SV2C: variants seen among roughly 807,000 people sequenced by gnomAD.
SV2C encodes the protein synaptic vesicle glycoprotein 2C, also known as solute carrier family 22 member B3.
A neutral mutation model predicts 79.7 loss-of-function variants in SV2C; 49 were observed. That is an observed-to-expected ratio of 0.61 (90% CI 0.49 to 0.78). SV2C has a LOEUF of 0.78. SV2C is among the 30% of genes least tolerant of loss of function. The pLI, the probability that SV2C is intolerant of heterozygous loss-of-function variation, is 0.00. For synonymous variants in SV2C, 334 were observed against 333.2 expected, an observed-to-expected ratio of 1.00 and a Z score of -0.03; for missense variants, 833 against 912.9, an observed-to-expected ratio of 0.91 and a Z score of 1.13.
intron 4 of SV2C, among the ~76,000 whole-genome samples, chr5:76,230,156 G>T (rs540193878): frequency 2.0e-5 from 3 of 152,326 alleles, no homozygotes; most frequent in African/African-American, 7.2e-5. Flanking sequence ...GAAGACAAAT[G>T]TGAGGACTAT....
At chr5:75,970,918 A>T in the SV2C span, among the ~76,000 whole-genome samples, 1 of 152,112 alleles carries the variant, frequency 6.6e-6, no homozygotes, top group Non-Finnish European at 1.5e-5. Context: ...TGATGCAAAA[A>T]TCCTCAATAA....
At chr5:76,164,356 C>A (rs1432210269) in intron 2 of SV2C, among the ~76,000 whole-genome samples, 1 of 152,200 alleles carries the variant, frequency 6.6e-6, no homozygotes, top group Non-Finnish European at 1.5e-5. Flanking sequence ...CATGCAACAG[C>A]CACATACGTT....
chr5:75,898,902 A>T, the SV2C span, among the ~76,000 whole-genome samples: 3 of 152,064 alleles, frequency 2.0e-5, no homozygotes, highest in African/African-American at 7.2e-5. Context: ...TTTCTGTGGG[A>T]TTGGTGGAGA....
intron 9 of SV2C, 47 bp from the exon 10 acceptor site, chr5:76,298,747 A>T: frequency 6.3e-7 from 1 of 1,598,302 alleles, no homozygotes; most frequent in Non-Finnish European, 8.5e-7. Context: ...TTGAACTTTG[A>T]TGGACACAGT....
rs556344579 is a variant in SV2C at position 76,189,971 on chromosome 5, T to G, written c.581-4948T>G. ...ATTGGTGTTAAATTAAATGCATAAT[T>G]AATAACAAACAGAACTGGCATAAAA... is the stretch of plus-strand genomic sequence containing the variant. On this transcript the variant is annotated intron_variant, in intron 2 of 12. Transcript: ENST00000502798. 2.6e-5 allele frequency among the ~76,000 whole-genome samples: 4 copies of G among 152,272 alleles called. No homozygotes were observed. In the South Asian group the frequency reaches 8.3e-4, roughly 32 times the overall value.
chr5:75,891,199 T>C, the SV2C span, among the ~76,000 whole-genome samples: 1 of 152,102 alleles, frequency 6.6e-6, no homozygotes, highest in South Asian at 2.1e-4. Flanking sequence ...TTGAGACTTT[T>C]GCTTTGATCA....
chr5:76,127,506 A>G (rs1040199082), intron 1 of SV2C, among the ~76,000 whole-genome samples: 2 of 152,228 alleles, frequency 1.3e-5, no homozygotes, highest in Non-Finnish European at 2.9e-5. Context: ...TGCAGTTTCA[A>G]TCGGCTATGT....
At chr5:76,135,372 C>T (rs1457188311) in intron 2 of SV2C, among the ~76,000 whole-genome samples, 5 of 152,100 alleles carry the variant, frequency 3.3e-5, no homozygotes, top group Non-Finnish European at 7.3e-5. Context: ...ACAACACTGC[C>T]AATGACCTTA....
At chr5:76,256,968 C>T (rs971069012) in intron 4 of SV2C, among the ~76,000 whole-genome samples, 2 of 152,226 alleles carry the variant, frequency 1.3e-5, no homozygotes, top group Non-Finnish European at 1.5e-5. Flanking sequence ...TGCCTCCAGA[C>T]ATCTGAAGTC....
intron 4 of SV2C, among the ~76,000 whole-genome samples, chr5:76,271,383 C>T (rs1746849329): frequency 6.6e-6 from 1 of 152,122 alleles, no homozygotes; most frequent in African/African-American, 2.4e-5. Flanking sequence ...CCACAAAAAA[C>T]AACCGAAAAG....
chr5:76,022,201 T>C, the SV2C span, among the ~76,000 whole-genome samples: 1 of 152,186 alleles, frequency 6.6e-6, no homozygotes, highest in Non-Finnish European at 1.5e-5. Flanking sequence ...GATTTGCTTT[T>C]CTCAGCATGC....
chr5:76,090,359 A>G (rs1440855361), intron 1 of SV2C, among the ~76,000 whole-genome samples: 1 of 152,250 alleles, frequency 6.6e-6, no homozygotes, highest in Non-Finnish European at 1.5e-5. Flanking sequence ...ATTTGTATCC[A>G]GCAAATGCAT....
chr5:76,235,656 C>G lies in SV2C; in HGVS notation c.913+25769C>G, dbSNP rs138229437. On this transcript the variant is annotated intron_variant, in intron 4 of 12. Transcript: ENST00000502798. ...GGAAAATCCCAGGCTATCGATTTCA[C>G]ATGGCCTTTGCTTAGTGCAATAAAA... Among the ~76,000 whole-genome samples the G allele has an allele frequency of 2.0e-3, 302 of 151,928 alleles. 1 individual carries two copies. Among genetic ancestry groups the G allele is most frequent in the African/African-American group, 6.9e-3 (284 of 41,362 alleles).
intron 2 of SV2C, among the ~76,000 whole-genome samples, chr5:76,163,162 C>G (rs1742945177): frequency 6.6e-6 from 1 of 152,032 alleles, no homozygotes; most frequent in South Asian, 2.1e-4. Context: ...CTGACAGGTC[C>G]CCTTCTCCTC....
the SV2C span, among the ~76,000 whole-genome samples, chr5:75,896,572 T>A: frequency 6.6e-6 from 1 of 152,050 alleles, no homozygotes; most frequent in Non-Finnish European, 1.5e-5. Context: ...CCTTTGGGTA[T>A]ATACCCAGTA....
intron 4 of SV2C, among the ~76,000 whole-genome samples, chr5:76,222,335 C>T (rs546957445): frequency 6.6e-6 from 1 of 152,242 alleles, no homozygotes; most frequent in Admixed American, 6.5e-5. Flanking sequence ...ATGTATGGAC[C>T]TCAACAGCAT....
At chr5:76,093,376 C>T (rs1259169150) in intron 1 of SV2C, among the ~76,000 whole-genome samples, 1 of 152,084 alleles carries the variant, frequency 6.6e-6, no homozygotes, top group East Asian at 1.9e-4. Context: ...TGACTGTGTC[C>T]AGAATGTTGT....
chr5:76,211,463 C>CGTGTGTGT (rs10593541), intron 4 of SV2C, among the ~76,000 whole-genome samples: 1 of 149,474 alleles, frequency 6.7e-6, no homozygotes, highest in African/African-American at 2.5e-5. Flanking sequence ...GTTCTGGTTG[C>CGTGTGTGT]GTGTGTGTGT....
chr5:75,878,986 G>A, the SV2C span, among the ~76,000 whole-genome samples: 1 of 152,134 alleles, frequency 6.6e-6, no homozygotes, highest in Non-Finnish European at 1.5e-5. Context: ...CATCTCACAT[G>A]GTGAGAATGG....
Sources: gnomAD v4.1 joint callset for allele counts (sites outside exome capture counted in the v4.1 genomes callset) on GRCh38, gnomAD v4.1.1 for gene constraint, MANE v1.5 for transcripts, NCBI Gene and HGNC (gene_info 2026-07-23, HGNC 2026-07-21) for gene names.